The following NKIRAS1 variants were observed in gnomAD, a reference collection of about 807,000 sequenced individuals.
NKIRAS1 encodes NF-kappa-B inhibitor-interacting Ras-like protein 1.
Under a neutral mutation model 19.8 loss-of-function variants are expected in NKIRAS1, and 16 were observed. The observed-to-expected ratio is 0.81, with a 90% CI of 0.55 to 1.23. The LOEUF (loss-of-function observed/expected upper bound fraction) is 1.23. Ranked by LOEUF, NKIRAS1 falls within the 50% of genes most tolerant of loss-of-function variation. The pLI, the probability that NKIRAS1 is intolerant of heterozygous loss-of-function variation, is 0.00. For synonymous variants in NKIRAS1, 88 were observed against 79.0 expected, an observed-to-expected ratio of 1.11 and a Z score of -0.61; for missense variants, 184 against 220.0, an observed-to-expected ratio of 0.84 and a Z score of 1.04.
intron 1 of NKIRAS1, among the ~76,000 whole-genome samples, chr3:23,912,055 C>T (rs1257082818): frequency 2.0e-5 from 3 of 149,666 alleles, no homozygotes; most frequent in East Asian, 2.0e-4. Flanking sequence ...TGAGCTACTG[C>T]GCCTGGCTGT....
At chr3:23,915,603 CT>C (rs928012647) in intron 1 of NKIRAS1, among the ~76,000 whole-genome samples, 5 of 152,206 alleles carry the variant, frequency 3.3e-5, no homozygotes, top group Non-Finnish European at 7.3e-5. Flanking sequence ...AGTCATCCTT[CT>C]GTTCAAAATC....
intron 1 of NKIRAS1, among the ~76,000 whole-genome samples, chr3:23,940,643 TAC>T (rs1705475655): frequency 1.3e-5 from 2 of 152,218 alleles, no homozygotes; most frequent in South Asian, 4.1e-4. Flanking sequence ...AGACATAATT[TAC>T]ATAGTGATAT....
At chr3:23,896,413 G>A (rs1278315251) in intron 4 of NKIRAS1, among the ~76,000 whole-genome samples, 2 of 152,044 alleles carry the variant, frequency 1.3e-5, no homozygotes, top group African/African-American at 4.8e-5. Context: ...TCAGTAGTTT[G>A]AGACCAGCCT....
chr3:23,923,995 T>C (rs1169414959), intron 1 of NKIRAS1: 2 of 152,210 alleles, frequency 1.3e-5, no homozygotes, highest in Non-Finnish European at 2.9e-5. Flanking sequence ...TGGCCTCTCA[T>C]GCATTTAGGT....
chr3:23,905,332 C>T (rs928316459), intron 3 of NKIRAS1, among the ~76,000 whole-genome samples: 5 of 152,278 alleles, frequency 3.3e-5, no homozygotes, highest in African/African-American at 1.2e-4. Context: ...AGCCACTGGC[C>T]TGTCCTCAAT....
chr3:23,940,271 T>C (rs1331494373), intron 1 of NKIRAS1, among the ~76,000 whole-genome samples: 1 of 151,412 alleles, frequency 6.6e-6, no homozygotes, highest in Non-Finnish European at 1.5e-5. Flanking sequence ...CTCGAGCCCA[T>C]GAGTTTGAAG....
chr3:23,900,146 A>C (rs981400536), intron 4 of NKIRAS1, among the ~76,000 whole-genome samples: 2 of 151,968 alleles, frequency 1.3e-5, no homozygotes, highest in African/African-American at 2.4e-5. Context: ...TGGGTGAAAG[A>C]GAGAGACTCA....
At position 23,890,239 on chromosome 3, in the gene NKIRAS1, T is replaced by G. The variant is rs946489688; in HGVS notation, c.*2856A>C. On this transcript the variant is annotated 3_prime_UTR_variant, in exon 5 of 5. Coordinates refer to ENST00000425478, the MANE Select transcript of NKIRAS1 (RefSeq NM_020345.4). ...GCCTAACACATAAGAGTAAAGAAACTCCAATTGAGTGTTGTTTGTTGGGAG... is the reference window on the plus strand; with the variant it reads ...GCCTAACACATAAGAGTAAAGAAACGCCAATTGAGTGTTGTTTGTTGGGAG... Among the ~76,000 whole-genome samples, 13 of 151,996 alleles carry G rather than the reference T, an allele frequency of 8.6e-5. No individual in the cohort carries two copies. The highest frequency in any genetic ancestry group is 3.1e-4 in the African/African-American group (13 of 41,378).
chr3:23,921,484 A>C, upstream of NKIRAS1: 1 of 651,836 alleles, frequency 1.5e-6, no homozygotes, highest in South Asian at 1.8e-5. Flanking sequence ...TTTATTAGCT[A>C]TACCCTGACC....
At chr3:23,933,994 G>A (rs977922979) in intron 1 of NKIRAS1, among the ~76,000 whole-genome samples, 8 of 152,162 alleles carry the variant, frequency 5.3e-5, no homozygotes, top group African/African-American at 1.7e-4. Flanking sequence ...GTCTGCCCTC[G>A]TGACTTAATC....
chr3:23,896,236 T>C (rs572364441), intron 4 of NKIRAS1, among the ~76,000 whole-genome samples: 1 of 151,958 alleles, frequency 6.6e-6, no homozygotes, highest in South Asian at 2.1e-4. Flanking sequence ...CCCATCCTCC[T>C]TCACCCGGAC....
intron 3 of NKIRAS1, among the ~76,000 whole-genome samples, chr3:23,905,914 T>A (rs1415053189): frequency 6.6e-6 from 1 of 151,470 alleles, no homozygotes; most frequent in Non-Finnish European, 1.5e-5. Context: ...ATCCCAACAT[T>A]TTGGGAGGCT....
Position 23,896,934 on chromosome 3 carries a change from G to A in NKIRAS1, c.337-3597C>T, listed in dbSNP as rs140344652. ...GAAAGGGAAAAAAGGCTAGGCACAC[G>A]GTGGCTCACACTCATAATCCCAGCA... On this transcript the variant is annotated intron_variant, in intron 4 of 4. Transcript: ENST00000425478. 5.1e-3 allele frequency among the ~76,000 whole-genome samples: 782 copies of A among 152,212 alleles called. 8 individuals are homozygous for A. The highest frequency in any genetic ancestry group is 0.018 in the African/African-American group (732 of 41,530).
intron 1 of NKIRAS1, among the ~76,000 whole-genome samples, chr3:23,941,705 A>C (rs1705500819): frequency 1.3e-5 from 2 of 152,094 alleles, no homozygotes; most frequent in South Asian, 4.1e-4. Flanking sequence ...AGCCCAGCGA[A>C]TTTCCAGTGG....
Position 23,893,086 on chromosome 3 carries a change from T to G in NKIRAS1, c.*9A>C. The G allele has an allele frequency of 6.5e-7, 1 of 1,539,352 alleles. No homozygotes were observed. The highest frequency in any genetic ancestry group is 2.1e-5 in the Admixed American group (1 of 46,958). On this transcript the variant is annotated 3_prime_UTR_variant, in exon 5 of 5. Coordinates refer to ENST00000425478, the MANE Select transcript of NKIRAS1 (RefSeq NM_020345.4). The stretch of plus-strand genomic sequence containing the variant: ...CTATTCAACATACAATTGTGGAAAT[T>G]ACTGATTTTTAGTTCTCAGAATTAG...
At chr3:23,918,870 T>A (rs908912016), upstream of NKIRAS1, 3 of 506,150 alleles carry the variant, frequency 5.9e-6, no homozygotes, top group Non-Finnish European at 6.9e-6. Flanking sequence ...TTTTTAAAGC[T>A]AAACGTTGCT....
rs1415713127 is a variant in NKIRAS1 at position 23,926,508 on chromosome 3, CTCT to C, written c.-139-15061_-139-15059del. On this transcript the variant is annotated intron_variant, in intron 1 of 4. Coordinates refer to the NKIRAS1 transcript ENST00000421515. This position sits in a 1 kb window ranked among gnomAD's most constrained non-coding sequence, Gnocchi z 4.3. ...CTTCTCTTTCCTCTTCCTCTTCTTC[CTCT>C]TCTTTTTTTTTGTGTCATTCTCTAG... Among the ~76,000 whole-genome samples, 5 of 150,158 alleles carry C rather than the reference CTCT, an allele frequency of 3.3e-5. No homozygotes were observed. The highest frequency in any genetic ancestry group is 7.4e-5 in the African/African-American group (3 of 40,730).
intron 4 of NKIRAS1, among the ~76,000 whole-genome samples, chr3:23,894,312 G>A (rs1408791235): frequency 1.2e-4 from 19 of 152,306 alleles, no homozygotes; most frequent in East Asian, 1.9e-4. Context: ...CCTCTCTGAG[G>A]AGCAGCAGTG....
Position 23,891,053 on chromosome 3 carries a change from T to G in NKIRAS1, c.*2042A>C, listed in dbSNP as rs1265174129. The G allele has an allele frequency of 6.5e-6, 1 of 153,190 alleles. No homozygotes were observed. Among genetic ancestry groups the G allele is most frequent in the Non-Finnish European group, 1.5e-5 (1 of 68,464 alleles). 9.5% of individuals were successfully genotyped at this position (153,190 alleles called of 1,614,324 possible). ...TTAACAGAGTTTTTAGAGATTGTCATCTCATATATATAAAATGGACACGTG... is the reference window on the plus strand; with the variant it reads ...TTAACAGAGTTTTTAGAGATTGTCAGCTCATATATATAAAATGGACACGTG... On this transcript the variant is annotated 3_prime_UTR_variant, in exon 5 of 5. Coordinates refer to ENST00000425478, the MANE Select transcript of NKIRAS1 (RefSeq NM_020345.4).
Sources: allele counts gnomAD v4.1 joint callset (sites outside exome capture counted in the v4.1 genomes callset), GRCh38; gene constraint gnomAD v4.1.1; non-coding constraint Gnocchi (gnomAD v3.1); transcripts MANE v1.5; gene names NCBI Gene and HGNC (gene_info 2026-07-23, HGNC 2026-07-21).